Variants in PRELID2 observed in about 807,000 individuals in gnomAD.
PRELID2 encodes PRELI domain containing 2, also known as PRELI domain-containing protein 2.
PRELID2 carries 25 observed loss-of-function variants against 28.4 expected under a neutral mutation model. The ratio of observed to expected loss-of-function variants is 0.88; its 90% confidence interval spans 0.64 to 1.23. PRELID2 has a LOEUF of 1.23. Ranked by LOEUF, PRELID2 falls within the 50% of genes most tolerant of loss-of-function variation. The pLI is 0.00. For missense variants in PRELID2, 201 were observed against 214.4 expected (o/e 0.94, Z 0.39); for synonymous variants, 76 against 71.6 (o/e 1.06, Z -0.31).
At chr5:145,256,823 C>A in the PRELID2 span, among the ~76,000 whole-genome samples, 4 of 151,722 alleles carry the variant, frequency 2.6e-5, no homozygotes, top group Non-Finnish European at 5.9e-5. Context: ...GGCTAAAAGA[C>A]AATGTAAACG....
At chr5:145,644,799 T>C (rs1754169120) in intron 1 of PRELID2, among the ~76,000 whole-genome samples, 1 of 152,240 alleles carries the variant, frequency 6.6e-6, no homozygotes, top group Non-Finnish European at 1.5e-5. Context: ...GAGCAGGTTG[T>C]TCAGTTTCCA....
At chr5:145,804,458 C>T (rs778862712) in intron 4 of PRELID2, among the ~76,000 whole-genome samples, 1 of 151,956 alleles carries the variant, frequency 6.6e-6, no homozygotes, top group Non-Finnish European at 1.5e-5. Flanking sequence ...TGTGGTGAGC[C>T]GAGATCACGC....
the PRELID2 span, among the ~76,000 whole-genome samples, chr5:145,318,780 G>T: frequency 6.6e-6 from 1 of 152,302 alleles, no homozygotes; most frequent in African/African-American, 2.4e-5. Context: ...TCCACAGAAG[G>T]CTTAAGTGTT....
chr5:145,691,484 T>A (rs981160110), intron 1 of PRELID2, among the ~76,000 whole-genome samples: 16 of 152,006 alleles, frequency 1.1e-4, no homozygotes, highest in African/African-American at 3.6e-4. Flanking sequence ...GGCAGGGGGA[T>A]CACGAGGTCA....
the PRELID2 span, among the ~76,000 whole-genome samples, chr5:145,445,300 C>T: frequency 1.1e-3 from 166 of 152,106 alleles, 1 homozygote; most frequent in African/African-American, 3.8e-3. Context: ...CTTCAATAAA[C>T]GGTGCTGAGA....
At chr5:145,658,950 G>A (rs1754441674) in intron 1 of PRELID2, among the ~76,000 whole-genome samples, 1 of 152,218 alleles carries the variant, frequency 6.6e-6, no homozygotes. Context: ...CCATGAAGAT[G>A]TGGCATTTAA....
At chr5:145,604,747 G>GTTTTTTTTTT (rs1753471641) in intron 1 of PRELID2, among the ~76,000 whole-genome samples, 1 of 96,028 alleles carries the variant, frequency 1.0e-5, no homozygotes, top group Non-Finnish European at 1.9e-5. Flanking sequence ...TGTTTTTTTT[G>GTTTTTTTTTT]GTTTTTTTTT....
intron 1 of PRELID2, among the ~76,000 whole-genome samples, chr5:145,567,740 TGAA>T (rs1222058418): frequency 6.6e-6 from 1 of 151,996 alleles, no homozygotes; most frequent in Non-Finnish European, 1.5e-5. Flanking sequence ...TGCTGCCATG[TGAA>T]GAAGGTTCTT....
chr5:145,374,072 T>C, the PRELID2 span, among the ~76,000 whole-genome samples: 27 of 151,294 alleles, frequency 1.8e-4, no homozygotes, highest in African/African-American at 6.5e-4. Context: ...AGTTTCTTCA[T>C]AGTGTGATTG....
intron 1 of PRELID2, among the ~76,000 whole-genome samples, chr5:145,686,709 T>C (rs929301428): frequency 5.3e-5 from 8 of 152,210 alleles, no homozygotes; most frequent in African/African-American, 1.9e-4. Flanking sequence ...ACTTGCCCTT[T>C]TGTTTCCGCC....
intron 2 of PRELID2, among the ~76,000 whole-genome samples, chr5:145,821,101 A>C (rs1011293220): frequency 6.7e-6 from 1 of 149,878 alleles, no homozygotes; most frequent in South Asian, 2.1e-4. Context: ...TACTTTAGAG[A>C]GACAGTTAAC....
At chr5:145,583,495 C>A (rs1354560135) in intron 1 of PRELID2, among the ~76,000 whole-genome samples, 1 of 152,086 alleles carries the variant, frequency 6.6e-6, no homozygotes, top group Non-Finnish European at 1.5e-5. Flanking sequence ...GAGAGGACAT[C>A]AAATTATCTT....
intron 1 of PRELID2, among the ~76,000 whole-genome samples, chr5:145,726,213 GAAGA>G (rs1235582076): frequency 9.8e-6 from 1 of 102,548 alleles, no homozygotes; most frequent in Non-Finnish European, 1.7e-5. Flanking sequence ...GCGAAAGAGA[GAAGA>G]AAGGAAGGAA....
the PRELID2 span, among the ~76,000 whole-genome samples, chr5:145,416,475 C>T: frequency 6.6e-6 from 1 of 151,912 alleles, no homozygotes; most frequent in Admixed American, 6.6e-5. Context: ...TCAGAGTGAA[C>T]AGGCAACCTA....
At chr5:145,797,781 T>C (rs960901719) in intron 4 of PRELID2, among the ~76,000 whole-genome samples, 1 of 151,966 alleles carries the variant, frequency 6.6e-6, no homozygotes, top group African/African-American at 2.4e-5. Flanking sequence ...TGTTTTTTTA[T>C]ATACCCAAAC....
chr5:145,599,396 G>C (rs1740521785), intron 1 of PRELID2, among the ~76,000 whole-genome samples: 1 of 150,286 alleles, frequency 6.7e-6, no homozygotes, highest in Admixed American at 6.6e-5. Flanking sequence ...AAACCCTTAG[G>C]AGGCTTGGAA....
chr5:145,369,661 G>T, the PRELID2 span, among the ~76,000 whole-genome samples: 1 of 151,982 alleles, frequency 6.6e-6, no homozygotes, highest in African/African-American at 2.4e-5. Context: ...TGGGTCAAAT[G>T]GTATTTCTGA....
At chr5:145,643,446 T>A (rs1754141998) in intron 1 of PRELID2, among the ~76,000 whole-genome samples, 1 of 152,246 alleles carries the variant, frequency 6.6e-6, no homozygotes, top group African/African-American at 2.4e-5. Flanking sequence ...TATAGAATCA[T>A]GTCATCTGCA....
chr5:145,648,767 C>T (rs921666071), intron 1 of PRELID2, among the ~76,000 whole-genome samples: 1 of 149,638 alleles, frequency 6.7e-6, no homozygotes, highest in South Asian at 2.1e-4. Context: ...CTGAGCCACC[C>T]CTTATAGGTA....
Sources: allele counts gnomAD v4.1 joint callset (sites outside exome capture counted in the v4.1 genomes callset), GRCh38; gene constraint gnomAD v4.1.1; transcripts MANE v1.5; gene names NCBI Gene and HGNC (gene_info 2026-07-23, HGNC 2026-07-21).